The following ACOXL variants were observed in gnomAD, a reference collection of about 807,000 sequenced individuals.
ACOXL encodes the protein acyl-CoA oxidase like.
In ACOXL, 70 loss-of-function variants were observed where a neutral mutation model predicts 71.9. That is an observed-to-expected ratio of 0.97 (90% CI 0.80 to 1.19). The LOEUF (loss-of-function observed/expected upper bound fraction) is 1.19, where lower values mean the gene tolerates loss of function less well. Among genes scored for constraint, ACOXL ranks in the 50% most tolerant of loss-of-function variants. ACOXL has a pLI of 0.00. For missense variants in ACOXL, 703 were observed against 736.3 expected, an observed-to-expected ratio of 0.95 and a Z score of 0.52; for synonymous variants, 253 against 281.6, an observed-to-expected ratio of 0.90 and a Z score of 1.02.
At chr2:111,055,246 G>A (rs1574621350) in intron 16 of ACOXL, among the ~76,000 whole-genome samples, 2 of 152,198 alleles carry the variant, frequency 1.3e-5, no homozygotes, top group South Asian at 2.1e-4. Flanking sequence ...CAACCCAAGT[G>A]TCTAAGCAGG....
At chr2:110,972,651 A>G (rs944181815) in intron 12 of ACOXL, among the ~76,000 whole-genome samples, 5 of 18,538 alleles carry the variant, frequency 2.7e-4, no homozygotes, top group Non-Finnish European at 4.6e-4. Flanking sequence ...ACACACGTGC[A>G]CACACACACA....
intron 10 of ACOXL, among the ~76,000 whole-genome samples, chr2:110,891,967 A>G (rs1472539347): frequency 6.6e-6 from 1 of 152,076 alleles, no homozygotes; most frequent in African/African-American, 2.4e-5. Flanking sequence ...ACATTCCATG[A>G]TTTGGATAAT....
At chr2:110,935,823 G>A (rs375312367) in intron 12 of ACOXL, among the ~76,000 whole-genome samples, 9 of 150,776 alleles carry the variant, frequency 6.0e-5, no homozygotes, top group Non-Finnish European at 1.0e-4. Flanking sequence ...GACTGGTTTC[G>A]TGGAAGACAA....
At chr2:111,064,160 G>C (rs890634163) in intron 16 of ACOXL, among the ~76,000 whole-genome samples, 1 of 152,138 alleles carries the variant, frequency 6.6e-6, no homozygotes, top group Non-Finnish European at 1.5e-5. Flanking sequence ...TAGTAGGCGG[G>C]GCACAGTGGC....
rs118164235 is a variant in ACOXL, at chr2:110,934,216, G to T, written c.1059+574G>T. 3.6e-4 allele frequency among the ~76,000 whole-genome samples: 55 copies of T among 152,332 alleles called. No homozygotes were observed. In the East Asian group the frequency reaches 0.01, roughly 29 times the overall value. On this transcript the variant is annotated intron_variant, in intron 12 of 17. Transcript: ENST00000439055. The stretch of plus-strand genomic sequence containing the variant: ...ACAGAAGCCCTGCAGGACTCTGCAG[G>T]TCTCCACACCCATGCGGGGGTCCAG...
chr2:110,800,510 A>C (rs939436606), intron 7 of ACOXL, among the ~76,000 whole-genome samples: 3 of 151,022 alleles, frequency 2.0e-5, no homozygotes, highest in African/African-American at 7.4e-5. Context: ...TTGATACATG[A>C]ATTTTTTTTT....
chr2:110,962,927 A>G (rs565458258), intron 12 of ACOXL, among the ~76,000 whole-genome samples: 122 of 152,330 alleles, frequency 8.0e-4, no homozygotes, highest in African/African-American at 2.6e-3. Flanking sequence ...GAGGTAGTGC[A>G]GAGGCCCTCA....
At chr2:111,093,622 T>A (rs113215432) in intron 17 of ACOXL, 12 of 1,386,994 alleles carry the variant, frequency 8.7e-6, no homozygotes, top group Non-Finnish European at 1.2e-5. Flanking sequence ...CCCAGCACTA[T>A]GGGAGGCTGA....
At chr2:110,948,949 C>A (rs187403971) in intron 12 of ACOXL, among the ~76,000 whole-genome samples, 2 of 152,180 alleles carry the variant, frequency 1.3e-5, no homozygotes, top group African/African-American at 2.4e-5. Context: ...CTCACAGCAA[C>A]CCCCGAGACA....
chr2:110,776,440 A>G (rs533761449), intron 2 of ACOXL, among the ~76,000 whole-genome samples: 1 of 152,304 alleles, frequency 6.6e-6, no homozygotes, highest in South Asian at 2.1e-4. Context: ...GTGTATGTTA[A>G]TTTTTTTAAG....
intron 16 of ACOXL, among the ~76,000 whole-genome samples, chr2:111,058,503 A>G (rs2066655313): frequency 6.6e-6 from 1 of 152,196 alleles, no homozygotes; most frequent in Non-Finnish European, 1.5e-5. Flanking sequence ...CCGTCAACCA[A>G]CCACATTTGC....
chr2:110,931,228 G>A (rs935593810), intron 11 of ACOXL, among the ~76,000 whole-genome samples: 3 of 152,184 alleles, frequency 2.0e-5, no homozygotes, highest in Non-Finnish European at 4.4e-5. Flanking sequence ...ACAGCAAAGA[G>A]TAAGAGCCAC....
chr2:110,885,958 T>C (rs188214291), intron 10 of ACOXL, among the ~76,000 whole-genome samples: 231 of 152,366 alleles, frequency 1.5e-3, no homozygotes, highest in Non-Finnish European at 2.1e-3. Context: ...TATGAAGTGT[T>C]CTGTCATGTT....
intron 10 of ACOXL, among the ~76,000 whole-genome samples, chr2:110,865,275 C>G (rs573136552): frequency 1.3e-5 from 2 of 152,316 alleles, no homozygotes; most frequent in South Asian, 2.1e-4. Flanking sequence ...CCTGGCTGCC[C>G]TGGGTTGGAG....
intron 11 of ACOXL, among the ~76,000 whole-genome samples, chr2:110,931,299 T>TAAGA (rs2060471441): frequency 6.6e-6 from 1 of 152,318 alleles, no homozygotes; most frequent in South Asian, 2.1e-4. Flanking sequence ...GTTCTTTTCT[T>TAAGA]AAAGACTATT....
intron 12 of ACOXL, among the ~76,000 whole-genome samples, chr2:110,949,045 G>C (rs1364622052): frequency 1.3e-5 from 2 of 152,048 alleles, no homozygotes; most frequent in Admixed American, 6.6e-5. Context: ...AATTTCTTAA[G>C]AAGCAGAACC....
intron 12 of ACOXL, among the ~76,000 whole-genome samples, chr2:110,944,712 T>C (rs1588731): frequency 0.48 from 73,650 of 152,054 alleles, 18,611 homozygotes; most frequent in East Asian, 0.6. Context: ...TTCCATGGTG[T>C]ATATGTACCA....
chr2:111,043,356 C>G (rs957362822), intron 15 of ACOXL, among the ~76,000 whole-genome samples: 1 of 152,226 alleles, frequency 6.6e-6, no homozygotes, highest in African/African-American at 2.4e-5. Flanking sequence ...AGCCAGAGTT[C>G]TTTCTGCAAA....
chr2:111,054,656 C>A (rs1383925153), intron 16 of ACOXL, among the ~76,000 whole-genome samples: 1 of 152,182 alleles, frequency 6.6e-6, no homozygotes. Context: ...CGCCAGGCCT[C>A]CCTCCACGTC....
Sources: allele counts gnomAD v4.1 joint callset (sites outside exome capture counted in the v4.1 genomes callset), GRCh38; gene constraint gnomAD v4.1.1; transcripts MANE v1.5; gene names NCBI Gene and HGNC (gene_info 2026-07-23, HGNC 2026-07-21).